Variants in POLR1E observed in about 807,000 individuals in gnomAD.
POLR1E encodes DNA-directed RNA polymerase I subunit RPA49.
Under a neutral mutation model 50.9 loss-of-function variants are expected in POLR1E, and 37 were observed. That is an observed-to-expected ratio of 0.73 (90% CI 0.56 to 0.96). The LOEUF is 0.96. Ranked by LOEUF, POLR1E falls within the 40% of genes least tolerant of loss-of-function variation. The probability of loss-of-function intolerance (pLI) is 0.00; values close to 1 mark genes in which losing one functional copy is unlikely to be tolerated. For synonymous variants in POLR1E, 166 were observed against 191.6 expected, an observed-to-expected ratio of 0.87 and a Z score of 1.10; for missense variants, 426 against 518.1, an observed-to-expected ratio of 0.82 and a Z score of 1.73.
chr9:37,488,464 C>G (rs16934152), intron 3 of POLR1E, among the ~76,000 whole-genome samples: 21,436 of 150,616 alleles, frequency 0.14, 1,868 homozygotes, highest in East Asian at 0.24. Flanking sequence ...ATGATGCAGA[C>G]AGGGCCCTGT....
At chr9:37,489,102 G>T (rs946523220) in intron 3 of POLR1E, among the ~76,000 whole-genome samples, 8 of 152,184 alleles carry the variant, frequency 5.3e-5, no homozygotes, top group African/African-American at 1.9e-4. Context: ...GCCGGGGATG[G>T]TGGCGTGCGC....
intron 5 of POLR1E, 130 bp from the exon 6 acceptor site, chr9:37,493,429 C>T (rs1041623198): frequency 5.7e-6 from 4 of 696,334 alleles, no homozygotes; most frequent in South Asian, 3.9e-5. Flanking sequence ...TAAATAGGTG[C>T]GATTCAGCCT....
rs138788839 is a variant in POLR1E at position 37,491,296 on chromosome 9, T to A, written c.344-1361T>A. On this transcript the variant is annotated intron_variant, in intron 4 of 11. Coordinates refer to ENST00000377798, the MANE Select transcript of POLR1E (RefSeq NM_022490.4). ...GACAAGAAAGAAACATTGGGAGCAT[T>A]GTGAATCTGCCTGATACCTCAGAGG... Among the ~76,000 whole-genome samples the A allele has an allele frequency of 4.6e-4, 70 of 152,278 alleles. 1 individual carries two copies. In the East Asian group the frequency reaches 7.9e-3, roughly 17 times the overall value.
chr9:37,495,171 C>G lies in POLR1E; in HGVS notation c.550C>G (p.Leu184Val), dbSNP rs756945493. 2.5e-6 allele frequency: 4 copies of G among 1,612,508 alleles called. No homozygotes were observed. The South Asian group carries it at 4.4e-5, about 18-fold the overall frequency. ...TIIDTKGVTA[L>V]VSDAIHNDLQ... is the part of the protein sequence containing the mutation. ...TGGATTGTTTCTTTATTGAAAAGCT[C>G]TGGTCAGCGATGCTATCCACAATGA... The change falls in exon 7 of 12, where the codon CTG becomes GTG. Residue 184 changes from leucine (L) to valine (V), a missense_variant and splice_region_variant. Leu to Val is a conservative substitution (Grantham distance 32). Coordinates refer to ENST00000377798, the MANE Select transcript of POLR1E (RefSeq NM_022490.4).
At chr9:37,491,948 A>G (rs751426479) in intron 4 of POLR1E, among the ~76,000 whole-genome samples, 1 of 152,248 alleles carries the variant, frequency 6.6e-6, no homozygotes, top group Non-Finnish European at 1.5e-5. Context: ...TTTTGTTGTT[A>G]TATGTAAGAA....
intron 3 of POLR1E, among the ~76,000 whole-genome samples, chr9:37,488,885 C>T (rs899891589): frequency 1.3e-5 from 2 of 151,822 alleles, no homozygotes; most frequent in Admixed American, 6.6e-5. Flanking sequence ...ATTATTGTTA[C>T]CCATGAGTAG....
intron 4 of POLR1E, 91 bp from the exon 5 acceptor site, chr9:37,492,566 C>T: frequency 8.1e-7 from 1 of 1,228,308 alleles, no homozygotes; most frequent in Non-Finnish European, 1.2e-6. Context: ...ATCTATTATT[C>T]TTAGATAGAC....
intron 4 of POLR1E, 33 bp downstream of exon 4, chr9:37,489,433 A>G: frequency 6.7e-7 from 1 of 1,495,370 alleles, no homozygotes; most frequent in Non-Finnish European, 9.1e-7. Context: ...GACAGAAATA[A>G]TGCATAGTTT....
chr9:37,493,798 G>T lies in POLR1E; in HGVS notation c.547+95G>T, dbSNP rs551558098. 9.3e-5 allele frequency: 122 copies of T among 1,309,568 alleles called. No homozygotes were observed. The African/African-American group carries it at 1.6e-3, about 17-fold the overall frequency. The allele number at this position is 1,309,568 out of a possible 1,614,324, so 81.1% of individuals were successfully genotyped here. On this transcript the variant is annotated intron_variant, in intron 6 of 11. Coordinates refer to ENST00000377798, the MANE Select transcript of POLR1E (RefSeq NM_022490.4). ...CCCACCCACACATGGAATGCTGGGA[G>T]CTAGGGCTGGATTCCTTTCAGCCTC...
In POLR1E at chr9:37,487,938, A is replaced by G. The variant is rs199973078; in HGVS notation, c.256A>G (p.Arg86Gly). 1 of 1,614,006 alleles carries G rather than the reference A, an allele frequency of 6.2e-7. No homozygotes were observed. Among genetic ancestry groups the G allele is most frequent in the Non-Finnish European group, 8.5e-7 (1 of 1,179,920 alleles). The part of the protein sequence containing the change: ...TGALKCNTLC[R>G]HFVGILNKTS... ...AGCCCTCAAATGCAACACTTTGTGCAGGTAATGGCAGGGGAAGGGACAGTG... is the reference window on the plus strand; with the variant it reads ...AGCCCTCAAATGCAACACTTTGTGCGGGTAATGGCAGGGGAAGGGACAGTG... Residue 86 changes from arginine to glycine, a missense_variant and splice_region_variant, in exon 3 of 12, where the codon AGG (arginine) becomes GGG (glycine). Arg to Gly is a moderately radical substitution (Grantham distance 125). Coordinates refer to ENST00000377798, the MANE Select transcript of POLR1E (RefSeq NM_022490.4).
intron 4 of POLR1E, chr9:37,490,522 G>A: frequency 1.3e-6 from 1 of 772,716 alleles, no homozygotes; most frequent in Non-Finnish European, 2.4e-6. Context: ...TGGCGCTTCA[G>A]TTGAACCCAG....
intron 6 of POLR1E, among the ~76,000 whole-genome samples, 194 bp from the exon 7 acceptor site, chr9:37,494,975 A>G (rs1041823437): frequency 6.6e-6 from 1 of 152,158 alleles, no homozygotes; most frequent in Non-Finnish European, 1.5e-5. Flanking sequence ...TCCAGTGCCT[A>G]GCTTGTGTTT....
rs1820894565 is a variant in POLR1E, at chr9:37,501,782, C to T, written c.1038C>T (p.His346=). 1.2e-6 allele frequency: 2 copies of T among 1,614,056 alleles called. No homozygotes were observed. The highest frequency in any genetic ancestry group is 1.7e-5 in the Admixed American group (1 of 60,026). ...CATATGTGATCATACTTGCCTTGCACATACATGACTTCCAAATTGACCTGA... is the reference window on the plus strand; with the variant it reads ...CATATGTGATCATACTTGCCTTGCATATACATGACTTCCAAATTGACCTGA... ...ITAYVIILAL[H]IHDFQIDLTV... Residue 346 remains histidine (H), a synonymous_variant, in exon 11 of 12, where the codon CAC becomes CAT. Transcript: ENST00000377798.
At chr9:37,488,628 C>A (rs148729068) in intron 3 of POLR1E, among the ~76,000 whole-genome samples, 7 of 152,266 alleles carry the variant, frequency 4.6e-5, no homozygotes, top group African/African-American at 1.7e-4. Context: ...AATTGGTCTC[C>A]TCCCCGTTTA....
Position 37,503,423 on chromosome 9 carries a change from A to G in POLR1E, c.*221A>G. 1 of 410,160 alleles carries G rather than the reference A, an allele frequency of 2.4e-6. No individual in the cohort carries two copies. The highest frequency in any genetic ancestry group is 4.2e-6 in the Non-Finnish European group (1 of 239,386). The allele number at this position is 410,160 out of a possible 1,614,324, so 25.4% of individuals were successfully genotyped here. The stretch of plus-strand genomic sequence containing the variant: ...GAGACCCCATCTCTACCGGAGGAAA[A>G]AAAAAAGAGTCAGGCCTGGTGGTGT... On this transcript the variant is annotated 3_prime_UTR_variant, in exon 12 of 12. Coordinates refer to ENST00000377798, the MANE Select transcript of POLR1E (RefSeq NM_022490.4).
At chr9:37,497,620 T>C (rs1251178834) in intron 8 of POLR1E, among the ~76,000 whole-genome samples, 2 of 152,112 alleles carry the variant, frequency 1.3e-5, no homozygotes, top group African/African-American at 4.8e-5. Flanking sequence ...GATGGCAGAG[T>C]CAAGTAGTTG....
At chr9:37,495,616 G>A (rs1262108168) in intron 7 of POLR1E, among the ~76,000 whole-genome samples, 1 of 152,220 alleles carries the variant, frequency 6.6e-6, no homozygotes, top group African/African-American at 2.4e-5. Flanking sequence ...AAGGGTTGGA[G>A]CTTAGAATTT....
intron 9 of POLR1E, among the ~76,000 whole-genome samples, chr9:37,499,758 AC>A (rs1408266844): frequency 6.6e-5 from 10 of 150,690 alleles, no homozygotes; most frequent in African/African-American, 2.4e-4. Context: ...CGAACACCTG[AC>A]CTCAGGTGAT....
At chr9:37,491,856 A>G (rs1053090381) in intron 4 of POLR1E, among the ~76,000 whole-genome samples, 3 of 152,192 alleles carry the variant, frequency 2.0e-5, no homozygotes, top group African/African-American at 2.4e-5. Context: ...ATATATAACT[A>G]TATTTAAATC....
Sources: gnomAD v4.1 joint callset for allele counts (sites outside exome capture counted in the v4.1 genomes callset) on GRCh38, gnomAD v4.1.1 for gene constraint, MANE v1.5 for transcripts, NCBI Gene and HGNC (gene_info 2026-07-23, HGNC 2026-07-21) for gene names.